The following GSE1 variants were observed in gnomAD, a reference collection of about 807,000 sequenced individuals.
The protein encoded by GSE1 is Gse1 coiled-coil protein, also known as genetic suppressor element 1.
In GSE1, 32 loss-of-function variants were observed where a neutral mutation model predicts 112.6. That is an observed-to-expected ratio of 0.28 (90% CI 0.21 to 0.38). The LOEUF (loss-of-function observed/expected upper bound fraction) is 0.38, where lower values mean the gene tolerates loss of function less well. GSE1 is among the 10% of genes least tolerant of loss of function. The pLI is 1.00. For missense variants in GSE1, 2,348 were observed against 1,699.2 expected, an observed-to-expected ratio of 1.38 and a Z score of -6.71; for synonymous variants, 1,115 against 735.6, an observed-to-expected ratio of 1.52 and a Z score of -8.35.
intron 1 of GSE1, among the ~76,000 whole-genome samples, chr16:85,350,933 C>T (rs946995185): frequency 1.8e-4 from 28 of 152,194 alleles, no homozygotes; most frequent in South Asian, 4.1e-4. Context: ...GCGCCCACTA[C>T]CGTGCCCGGC....
chr16:85,352,572 A>T (rs1479838881), intron 1 of GSE1, among the ~76,000 whole-genome samples: 1 of 152,198 alleles, frequency 6.6e-6, no homozygotes. Flanking sequence ...GGTAGAGAAG[A>T]CACAGCACAT....
intron 10 of GSE1, 36 bp downstream of exon 10, chr16:85,663,129 C>A: frequency 1.4e-6 from 2 of 1,441,104 alleles, no homozygotes; most frequent in Non-Finnish European, 1.9e-6. Flanking sequence ...ATGCTCTGGG[C>A]TGGGCTCTCG....
At chr16:85,328,797 CCCCGCCCCGGGG>C (rs2046278949) in intron 1 of GSE1, among the ~76,000 whole-genome samples, 2 of 2,666 alleles carry the variant, frequency 7.5e-4, no homozygotes, top group South Asian at 0.038. Flanking sequence ...GGCTGGGCGT[CCCCGCCCCGGGG>C]CCTCCCCGCC....
chr16:85,215,653 T>C (rs1035171205), intron 1 of GSE1, among the ~76,000 whole-genome samples: 7 of 152,220 alleles, frequency 4.6e-5, no homozygotes, highest in Non-Finnish European at 8.8e-5. Context: ...CTGTTGTTTG[T>C]TCACTCAGCA....
At chr16:85,420,207 C>T (rs772551144) in intron 2 of GSE1, among the ~76,000 whole-genome samples, 11 of 151,912 alleles carry the variant, frequency 7.2e-5, no homozygotes, top group Non-Finnish European at 1.0e-4. Flanking sequence ...GGCAACACAG[C>T]GAGACCCCAT....
In GSE1 at chr16:85,310,848, G is replaced by T. The variant is rs577716050; in HGVS notation, c.2284-46615G>T. On this transcript the variant is annotated intron_variant, in intron 1 of 2. Coordinates refer to the GSE1 transcript ENST00000637419. ...ACCCACCCGGGGTCCAGCAAGTGTG[G>T]CCAGGTGGGCTGCAAGGCAGTGCAC... Among the ~76,000 whole-genome samples the T allele has an allele frequency of 1.7e-4, 26 of 151,822 alleles. No homozygotes were observed. In the East Asian group the frequency reaches 4.9e-3, roughly 28 times the overall value.
At chr16:85,528,724 A>G (rs924867512) in intron 2 of GSE1, among the ~76,000 whole-genome samples, 59 of 152,040 alleles carry the variant, frequency 3.9e-4, no homozygotes, top group African/African-American at 1.4e-3. Context: ...ACCCTTTGGC[A>G]GAGCACAGAA....
At chr16:85,554,940 C>T (rs2045124577), upstream of GSE1, 1 of 985,220 alleles carries the variant, frequency 1.0e-6, no homozygotes, top group Non-Finnish European at 1.2e-6. Context: ...CGGCACCCTC[C>T]CCGGGTTTGG....
chr16:85,614,991 C>T (rs754336572), intron 1 of GSE1, among the ~76,000 whole-genome samples: 2 of 152,228 alleles, frequency 1.3e-5, no homozygotes, highest in African/African-American at 2.4e-5. Context: ...TGAAATGTGC[C>T]CCCTGGTCGG....
chr16:85,548,051 C>T (rs998826968), intron 2 of GSE1, among the ~76,000 whole-genome samples: 5 of 151,446 alleles, frequency 3.3e-5, no homozygotes, highest in Admixed American at 2.6e-4. Flanking sequence ...CATGGTGAAA[C>T]GCTGTCTCTA....
At chr16:85,378,110 CCAGGGCTCGGGG>C (rs1169101761) in intron 2 of GSE1, among the ~76,000 whole-genome samples, 1 of 152,172 alleles carries the variant, frequency 6.6e-6, no homozygotes, top group Non-Finnish European at 1.5e-5. Context: ...CCACCCGGTG[CCAGGGCTCGGGG>C]CAGGGCCCTG....
chr16:85,214,923 C>T (rs2075284621), intron 1 of GSE1, among the ~76,000 whole-genome samples: 1 of 152,198 alleles, frequency 6.6e-6, no homozygotes, highest in Non-Finnish European at 1.5e-5. Context: ...GGCCCCTTCC[C>T]TCCCCATGTC....
At chr16:85,314,985 C>G (rs931197620) in intron 1 of GSE1, among the ~76,000 whole-genome samples, 1 of 152,228 alleles carries the variant, frequency 6.6e-6, no homozygotes, top group African/African-American at 2.4e-5. Context: ...GGGAAGAAAA[C>G]TGGTTAGTGT....
upstream of GSE1, chr16:85,611,680 G>A (rs1402617989): frequency 6.0e-6 from 1 of 166,620 alleles, no homozygotes; most frequent in Non-Finnish European, 1.2e-5. Flanking sequence ...AGGTCGAGCG[G>A]GGAGCGTGGG....
chr16:85,229,740 C>T (rs773793248), intron 1 of GSE1, among the ~76,000 whole-genome samples: 1 of 152,198 alleles, frequency 6.6e-6, no homozygotes, highest in Non-Finnish European at 1.5e-5. Context: ...GTTCGCAGCT[C>T]CAGGGTACAA....
upstream of GSE1, among the ~76,000 whole-genome samples, chr16:85,554,621 C>T (rs1231856475): frequency 1.3e-5 from 2 of 152,184 alleles, no homozygotes; most frequent in Non-Finnish European, 2.9e-5. Flanking sequence ...AACCGCTCGC[C>T]CGAGGAGCTC....
At chr16:85,440,850 C>T (rs890914625) in intron 2 of GSE1, among the ~76,000 whole-genome samples, 3 of 152,238 alleles carry the variant, frequency 2.0e-5, no homozygotes, top group Admixed American at 2.0e-4. Flanking sequence ...CCCTGGGAGG[C>T]CAACTGGCTC....
At chr16:85,490,876 G>C (rs1230612398) in intron 2 of GSE1, 1 of 152,248 alleles carries the variant, frequency 6.6e-6, no homozygotes, top group South Asian at 2.1e-4. Flanking sequence ...GAATTGAGCT[G>C]GGTGCCACGG....
chr16:85,645,028 C>T (rs956019485), intron 2 of GSE1, among the ~76,000 whole-genome samples: 3 of 151,878 alleles, frequency 2.0e-5, no homozygotes, highest in Admixed American at 2.0e-4. Flanking sequence ...TGTCCCCACC[C>T]TCTGCCCCTG....
Sources: gnomAD v4.1 joint callset for allele counts (sites outside exome capture counted in the v4.1 genomes callset) on GRCh38, gnomAD v4.1.1 for gene constraint, MANE v1.5 for transcripts, NCBI Gene and HGNC (gene_info 2026-07-23, HGNC 2026-07-21) for gene names.